Variants in NOTCH2 observed in about 807,000 individuals in gnomAD.
NOTCH2 encodes the protein neurogenic locus notch homolog protein 2.
Under a neutral mutation model 235.8 loss-of-function variants are expected in NOTCH2, and 29 were observed. The ratio of observed to expected loss-of-function variants is 0.12; its 90% CI spans 0.09 to 0.17. The LOEUF (loss-of-function observed/expected upper bound fraction) is 0.17, where lower values mean the gene tolerates loss of function less well. NOTCH2 is among the 10% of genes least tolerant of loss of function. NOTCH2 has a pLI of 1.00. For missense variants in NOTCH2, 2,285 were observed against 3,150.2 expected, an observed-to-expected ratio of 0.73 and a Z score of 6.57; for synonymous variants, 1,086 against 1,141.5, an observed-to-expected ratio of 0.95 and a Z score of 0.98.
intron 2 of NOTCH2, among the ~76,000 whole-genome samples, chr1:120,017,797 A>G (rs1197761719): frequency 6.7e-6 from 1 of 149,986 alleles, no homozygotes; most frequent in East Asian, 2.0e-4. Flanking sequence ...GCATGTGTGC[A>G]TGTGCAGACA....
At position 119,941,683 on chromosome 1, in the gene NOTCH2, T is replaced by C. The variant is rs372549390; in HGVS notation, c.2824A>G (p.Thr942Ala). The change falls in exon 18 of 34, where the codon ACT becomes GCT. Residue 942 changes from threonine to alanine, a missense_variant. Transcript: ENST00000256646. ...ATGTCTGTCTGGCACTTATCCCCAG[T>C]GAAACCCGGAAGGCAGAGGCAGGAG... ...TFSCLCLPGF[T>A]GDKCQTDMNE... 220 of 1,614,040 alleles carry C rather than the reference T, an allele frequency of 1.4e-4. No homozygotes were observed. Among genetic ancestry groups the C allele is most frequent in the Non-Finnish European group, 1.8e-4 (209 of 1,180,026 alleles).
intron 10 of NOTCH2, 54 bp downstream of exon 10, chr1:119,965,399 C>G: frequency 7.6e-7 from 1 of 1,311,014 alleles, no homozygotes; most frequent in Non-Finnish European, 1.1e-6. Flanking sequence ...GGACAATCAC[C>G]CTATTTTGTT....
At position 119,913,260 on chromosome 1, in the gene NOTCH2, A is replaced by G. The variant is rs1271892377; in HGVS notation, c.*2046T>C. 1 of 233,218 alleles carries G rather than the reference A, an allele frequency of 4.3e-6. No individual in the cohort carries two copies. Among genetic ancestry groups the G allele is most frequent in the Non-Finnish European group, 8.5e-6 (1 of 118,064 alleles). 14.4% of individuals were successfully genotyped at this position (233,218 alleles called of 1,614,324 possible). A position where few individuals can be genotyped will look rare whatever the true frequency, so the allele number is the denominator to read the frequency against. On this transcript the variant is annotated 3_prime_UTR_variant, in exon 34 of 34. Coordinates refer to ENST00000256646, the MANE Select transcript of NOTCH2 (RefSeq NM_024408.4). Reference sequence around the variant, plus strand: ...AATCTGCTTATCTCAGGGCAGAAGTAATTATTTTTGTTGGTTCAATAAATT... The same window carrying G: ...AATCTGCTTATCTCAGGGCAGAAGTGATTATTTTTGTTGGTTCAATAAATT...
At chr1:120,063,042 C>T (rs1655368877) in intron 1 of NOTCH2, among the ~76,000 whole-genome samples, 2 of 151,352 alleles carry the variant, frequency 1.3e-5, no homozygotes, top group East Asian at 3.9e-4. Context: ...ACCAGTGATG[C>T]AGTTTGTCCC....
rs1433137658 is a variant in NOTCH2, at chr1:119,915,494, C to T, written c.7228G>A (p.Gly2410Ser). 1 of 1,614,090 alleles carries T rather than the reference C, an allele frequency of 6.2e-7. No individual in the cohort carries two copies. Among genetic ancestry groups the T allele is most frequent in the Non-Finnish European group, 8.5e-7 (1 of 1,180,030 alleles). The change falls in exon 34 of 34, where the codon GGT becomes AGT. Residue 2410 changes from glycine (G) to serine (S), a missense_variant. Around this residue, in one of 6 missense-constraint regions of NOTCH2, gnomAD observed 504 missense variants for 538.0 expected, o/e 0.94. Coordinates refer to ENST00000256646, the MANE Select transcript of NOTCH2 (RefSeq NM_024408.4). ...RTPSHSGHLQ[G>S]EHPYLTPSPE... Reference sequence around the variant, plus strand: ...GATGGTGTCAGGTAGGGATGCTCACCCTGGAGGTGACCACTGTGACTGGGT... The same window carrying T: ...GATGGTGTCAGGTAGGGATGCTCACTCTGGAGGTGACCACTGTGACTGGGT...
Position 119,959,404 on chromosome 1 carries a change from G to T in NOTCH2, c.2014C>A (p.Pro672Thr). The T allele has an allele frequency of 6.3e-7, 1 of 1,598,120 alleles. No homozygotes were observed. The change falls in exon 12 of 34, where the codon CCA becomes ACA. Residue 672 changes from proline (P) to threonine (T), a missense_variant. By Grantham distance (38) the Pro-to-Thr change is conservative. Around this residue, in one of 6 missense-constraint regions of NOTCH2, gnomAD observed 1,173 missense variants for 1,515.3 expected, o/e 0.77. Coordinates refer to ENST00000256646, the MANE Select transcript of NOTCH2 (RefSeq NM_024408.4). ...GINRYSCVCS[P>T]GFTGQRCNID... ...AAAGGAGCTTTACCTGTGAATCCTGGTGAGCAGACACAACTGTAGCGATTA... is the reference window on the plus strand; with the variant it reads ...AAAGGAGCTTTACCTGTGAATCCTGTTGAGCAGACACAACTGTAGCGATTA...
intron 23 of NOTCH2, 117 bp downstream of exon 23, chr1:119,928,859 T>C (rs371037069): frequency 7.0e-6 from 6 of 851,760 alleles, no homozygotes; most frequent in Admixed American, 1.9e-5. Context: ...TAAGCTGCTG[T>C]TGTTTTTCTT....
intron 1 of NOTCH2, among the ~76,000 whole-genome samples, chr1:120,037,766 C>T (rs1415703484): frequency 2.6e-5 from 4 of 151,282 alleles, no homozygotes; most frequent in African/African-American, 9.7e-5. Flanking sequence ...CAGATATTAT[C>T]ATATAGAAAG....
chr1:119,974,291 T>A (rs1651478473), intron 5 of NOTCH2, among the ~76,000 whole-genome samples: 2 of 152,190 alleles, frequency 1.3e-5, no homozygotes, highest in South Asian at 2.1e-4. Context: ...GCAATAATTA[T>A]CCCTCTCAGT....
chr1:119,949,328 A>T (rs1469287576), intron 15 of NOTCH2, among the ~76,000 whole-genome samples: 1 of 150,302 alleles, frequency 6.7e-6, no homozygotes, highest in Non-Finnish European at 1.5e-5. Context: ...GACCTCCTAC[A>T]ACTGTGATTT....
At chr1:119,996,497 G>A (rs1490066767) in intron 4 of NOTCH2, 2 of 611,350 alleles carry the variant, frequency 3.3e-6, no homozygotes, top group African/African-American at 3.7e-5. Flanking sequence ...GTGAAGGCCA[G>A]TAGCCCAGAG....
rs903080866 is a variant in NOTCH2 at position 119,915,233 on chromosome 1, C to T, written c.*73G>A. The T allele has an allele frequency of 3.3e-5, 49 of 1,472,636 alleles. No homozygotes were observed. Among genetic ancestry groups the T allele is most frequent in the Middle Eastern group, 2.4e-4 (1 of 4,152 alleles). 91.2% of individuals were successfully genotyped at this position (1,472,636 alleles called of 1,614,324 possible). ...TCCAGAGATTTCTTCATTTCTCTCC[C>T]GGATGACCTTCATTTGTTCCTCAGC... On this transcript the variant is annotated 3_prime_UTR_variant, in exon 34 of 34. Transcript: ENST00000256646.
intron 5 of NOTCH2, among the ~76,000 whole-genome samples, chr1:119,976,199 C>T (rs1030378829): frequency 1.8e-4 from 27 of 152,050 alleles, no homozygotes; most frequent in Non-Finnish European, 3.5e-4. Flanking sequence ...CCTTTCCAAC[C>T]AGCAGTCACC....
intron 3 of NOTCH2, among the ~76,000 whole-genome samples, chr1:119,999,808 A>G (rs1346078322): frequency 6.6e-6 from 1 of 151,626 alleles, no homozygotes; most frequent in East Asian, 1.9e-4. Flanking sequence ...CTCGAACCCA[A>G]GAGGTGGAGG....
chr1:119,966,212 T>C (rs1386317562), intron 9 of NOTCH2, among the ~76,000 whole-genome samples, 164 bp downstream of exon 9: 5 of 152,174 alleles, frequency 3.3e-5, no homozygotes, highest in Non-Finnish European at 5.9e-5. Flanking sequence ...ATATAGTAGC[T>C]AAAACAAATT....
At chr1:119,954,947 C>T (rs782370054) in intron 13 of NOTCH2, 93 bp downstream of exon 13, 1 of 1,259,976 alleles carries the variant, frequency 7.9e-7, no homozygotes, top group Non-Finnish European at 1.1e-6. Context: ...CAGCTCAAAG[C>T]CCCATTTGAC....
In NOTCH2 at chr1:119,914,306, A is replaced by T. The variant is rs1648989745; in HGVS notation, c.*1000T>A. 4.3e-6 allele frequency: 1 copy of T among 233,084 alleles called. No individual in the cohort carries two copies. Among genetic ancestry groups the T allele is most frequent in the African/African-American group, 2.2e-5 (1 of 45,320 alleles). 14.4% of individuals were successfully genotyped at this position (233,084 alleles called of 1,614,324 possible). A position where few individuals can be genotyped will look rare whatever the true frequency, so the allele number is the denominator to read the frequency against. ...GAAGTAGGGGGACCTGTGGGTGGGT[A>T]ACTGGCTCTTGCACGAGTTAACTTG... is the stretch of plus-strand genomic sequence containing the variant. On this transcript the variant is annotated 3_prime_UTR_variant, in exon 34 of 34. Coordinates refer to ENST00000256646, the MANE Select transcript of NOTCH2 (RefSeq NM_024408.4).
rs1002317822 is a variant in NOTCH2, at chr1:119,914,659, G to C, written c.*647C>G. ...TTCCAAAGAAACAACATACTTGAAA[G>C]GTTTGTGCTGAGAACCATACCAAAG... On this transcript the variant is annotated 3_prime_UTR_variant, in exon 34 of 34. Coordinates refer to ENST00000256646, the MANE Select transcript of NOTCH2 (RefSeq NM_024408.4). 4.2e-6 allele frequency: 1 copy of C among 240,656 alleles called. No individual in the cohort carries two copies. The highest frequency in any genetic ancestry group is 8.2e-6 in the Non-Finnish European group (1 of 121,932). The allele number at this position is 240,656 out of a possible 1,614,324, so 14.9% of individuals were successfully genotyped here.
intron 2 of NOTCH2, among the ~76,000 whole-genome samples, chr1:120,028,683 T>C (rs1380852985): frequency 9.3e-5 from 13 of 139,794 alleles, no homozygotes; most frequent in Non-Finnish European, 1.8e-4. Context: ...TGGAAAAAAG[T>C]TGTAATTACA....
Sources: gnomAD v4.1 joint callset for allele counts (sites outside exome capture counted in the v4.1 genomes callset) on GRCh38, gnomAD v4.1.1 for gene constraint, gnomAD v4.1.1 regional missense constraint, MANE v1.5 for transcripts, NCBI Gene and HGNC (gene_info 2026-07-23, HGNC 2026-07-21) for gene names.